Variants in ANO2 observed in about 807,000 individuals in gnomAD.
ANO2 encodes anoctamin 2.
ANO2 carries 101 observed loss-of-function variants against 124.2 expected under a neutral mutation model. The observed-to-expected ratio is 0.81, with a 90% CI of 0.69 to 0.96. The LOEUF (loss-of-function observed/expected upper bound fraction) is 0.96. Among genes scored for constraint, ANO2 ranks in the 40% least tolerant of loss-of-function variants. The pLI is 0.00. For synonymous variants in ANO2, 486 were observed against 482.5 expected (o/e 1.01, Z -0.09); for missense variants, 1,293 against 1,274.5 (o/e 1.01, Z -0.22).
At position 5,633,698 on chromosome 12, in the gene ANO2, G is replaced by T. The variant is rs184414064; in HGVS notation, c.1816+1454C>A. ...CGGCACCGGGCTCCCCTGGCATCCT[G>T]CGTACACTTCATGCTTTCTTTCTCC... is the stretch of plus-strand genomic sequence containing the variant. On this transcript the variant is annotated intron_variant, in intron 16 of 24. Transcript: ENST00000682330. 3.7e-3 allele frequency among the ~76,000 whole-genome samples: 562 copies of T among 152,274 alleles called. 1 individual carries two copies. Among genetic ancestry groups the T allele is most frequent in the Admixed American group, 6.4e-3 (98 of 15,298 alleles).
At chr12:5,794,298 A>G (rs989973312) in intron 10 of ANO2, among the ~76,000 whole-genome samples, 3 of 152,084 alleles carry the variant, frequency 2.0e-5, no homozygotes, top group Non-Finnish European at 4.4e-5. Context: ...CCAACCCTGG[A>G]TTGCCTGCTA....
chr12:5,914,588 C>T (rs937565818), intron 3 of ANO2, among the ~76,000 whole-genome samples: 8 of 152,176 alleles, frequency 5.3e-5, no homozygotes, highest in African/African-American at 1.2e-4. Context: ...TGCCAGGCCA[C>T]GCTGAATTTT....
At chr12:5,675,168 C>T (rs1305132456) in intron 14 of ANO2, among the ~76,000 whole-genome samples, 1 of 152,152 alleles carries the variant, frequency 6.6e-6, no homozygotes, top group Non-Finnish European at 1.5e-5. Context: ...CAGTGTGACT[C>T]CATGGTCAGA....
At chr12:5,764,297 C>T (rs773702201) in intron 10 of ANO2, among the ~76,000 whole-genome samples, 2 of 152,164 alleles carry the variant, frequency 1.3e-5, no homozygotes, top group African/African-American at 4.8e-5. Context: ...CATGTCAATA[C>T]AGTAATAGCA....
At chr12:5,913,534 T>C (rs1402863913) in intron 3 of ANO2, among the ~76,000 whole-genome samples, 1 of 152,222 alleles carries the variant, frequency 6.6e-6, no homozygotes, top group Non-Finnish European at 1.5e-5. Flanking sequence ...AGAGAATCTC[T>C]GTGAATTCTG....
intron 4 of ANO2, chr12:5,852,015 T>G (rs1954927792): frequency 1.7e-5 from 12 of 717,188 alleles, no homozygotes; most frequent in Non-Finnish European, 2.8e-5. Flanking sequence ...ACAAATAGAA[T>G]GAGGTTAAGA....
chr12:5,878,225 C>T (rs1938239689), intron 3 of ANO2, among the ~76,000 whole-genome samples: 1 of 152,202 alleles, frequency 6.6e-6, no homozygotes. Context: ...TATTTTATCT[C>T]CAATTCTTAC....
intron 22 of ANO2, among the ~76,000 whole-genome samples, chr12:5,576,824 G>A (rs1006725423): frequency 1.3e-5 from 2 of 152,206 alleles, no homozygotes; most frequent in East Asian, 1.9e-4. Flanking sequence ...TTCTCTAAAT[G>A]TGTATGTGAA....
At chr12:5,794,238 A>G (rs1277489928) in intron 10 of ANO2, among the ~76,000 whole-genome samples, 1 of 152,192 alleles carries the variant, frequency 6.6e-6, no homozygotes, top group Non-Finnish European at 1.5e-5. Context: ...TGCTGATCCC[A>G]CGTGTCATCT....
At chr12:5,739,596 T>C (rs200589920) in intron 12 of ANO2, among the ~76,000 whole-genome samples, 197 bp from the exon 13 acceptor site, 2 of 145,078 alleles carry the variant, frequency 1.4e-5, no homozygotes, top group Non-Finnish European at 3.0e-5. Context: ...ATAGATATGT[T>C]ACACACACAC....
chr12:5,611,270 G>GA (rs754507339), intron 19 of ANO2, among the ~76,000 whole-genome samples: 1 of 152,048 alleles, frequency 6.6e-6, no homozygotes, highest in Non-Finnish European at 1.5e-5. Flanking sequence ...CACCTGGCCA[G>GA]AAACCTCTCT....
Position 5,862,068 on chromosome 12 carries a change from G to A in ANO2, c.535-7927C>T, listed in dbSNP as rs145206529. ...CTCAAGAATGTACAGCCTCTGATTC[G>A]GAGCAGGCTCTGCCTGGTCCTCCTG... On this transcript the variant is annotated intron_variant, in intron 3 of 24. Coordinates refer to ENST00000682330, the MANE Select transcript of ANO2 (RefSeq NM_001364791.2). The surrounding 1 kb of genome is among the most constrained non-coding windows in gnomAD (Gnocchi z 4.0). 4.1e-4 allele frequency among the ~76,000 whole-genome samples: 62 copies of A among 152,214 alleles called. No individual in the cohort carries two copies. In the East Asian group the frequency reaches 9.8e-3, roughly 24 times the overall value.
At chr12:5,739,540 A>T in intron 12 of ANO2, 141 bp from the exon 13 acceptor site, 1 of 636,616 alleles carries the variant, frequency 1.6e-6, no homozygotes, top group Non-Finnish European at 2.7e-6. Context: ...TCTTTTTCCC[A>T]CTTCTAGGTG....
rs1952581751 is a variant in ANO2 at position 5,787,826 on chromosome 12, C to G, written c.1055+11681G>C. Among the ~76,000 whole-genome samples the G allele has an allele frequency of 1.3e-5, 2 of 152,196 alleles. No individual in the cohort carries two copies. Among genetic ancestry groups the G allele is most frequent in the African/African-American group, 2.4e-5 (1 of 41,444 alleles). ...CTCCTCTCTAGTCATCTCTGTCACA[C>G]TTCCGGTTAACTATGCACTGTCTCC... On this transcript the variant is annotated intron_variant, in intron 10 of 24. Transcript: ENST00000682330. The surrounding 1 kb of genome is among the most constrained non-coding windows in gnomAD (Gnocchi z 4.2).
chr12:5,744,109 C>A, intron 12 of ANO2, 48 bp downstream of exon 12: 1 of 1,608,734 alleles, frequency 6.2e-7, no homozygotes. Context: ...TCACTGTGCC[C>A]ATGTAAAGGA....
intron 1 of ANO2, among the ~76,000 whole-genome samples, chr12:5,928,537 C>A (rs28554118): frequency 0.52 from 61,511 of 118,162 alleles, 13,529 homozygotes; most frequent in East Asian, 0.72. Flanking sequence ...CTTCCTTACT[C>A]GTCTACCTTC....
At chr12:5,850,542 T>C (rs1242366013) in intron 4 of ANO2, among the ~76,000 whole-genome samples, 2 of 152,156 alleles carry the variant, frequency 1.3e-5, no homozygotes, top group African/African-American at 4.8e-5. Context: ...CTTTCTGTTT[T>C]ATCTGCAGCC....
chr12:5,809,323 AAAAGCT>A (rs142106973), intron 7 of ANO2, among the ~76,000 whole-genome samples: 9,855 of 152,154 alleles, frequency 0.065, 446 homozygotes, highest in African/African-American at 0.12. Context: ...GTTTGTAGTT[AAAAGCT>A]AAAGCTACAA....
At position 5,635,722 on chromosome 12, in the gene ANO2, A is replaced by G. The variant is rs146096216; in HGVS notation, c.1621-375T>C. On this transcript the variant is annotated intron_variant, in intron 15 of 24. Transcript: ENST00000682330. This position sits in a 1 kb window ranked among gnomAD's most constrained non-coding sequence, Gnocchi z 5.2. ...GCTTTTGATCTTCTAAAGAGATAACATGAACTCCTTTTAAATAAACCATAG... is the reference window on the plus strand; with the variant it reads ...GCTTTTGATCTTCTAAAGAGATAACGTGAACTCCTTTTAAATAAACCATAG... Among the ~76,000 whole-genome samples the G allele has an allele frequency of 1.8e-4, 27 of 152,268 alleles. No homozygotes were observed. The East Asian group carries it at 4.4e-3, about 25-fold the overall frequency.
Sources: gnomAD v4.1 joint callset for allele counts (sites outside exome capture counted in the v4.1 genomes callset) on GRCh38, gnomAD v4.1.1 for gene constraint, Gnocchi (gnomAD v3.1) non-coding constraint, MANE v1.5 for transcripts, NCBI Gene and HGNC (gene_info 2026-07-23, HGNC 2026-07-21) for gene names.